ANKAR: variants seen among roughly 807,000 people sequenced by gnomAD.
ANKAR encodes the protein ankyrin and armadillo repeat-containing protein.
A neutral mutation model predicts 146.2 loss-of-function variants in ANKAR; 136 were observed. That is an observed-to-expected ratio of 0.93 (90% confidence interval 0.81 to 1.07). The LOEUF (loss-of-function observed/expected upper bound fraction) is 1.07. Ranked by LOEUF, ANKAR falls within the 50% of genes least tolerant of loss-of-function variation. The probability of loss-of-function intolerance (pLI) is 0.00; values close to 1 mark genes in which losing one functional copy is unlikely to be tolerated. For synonymous variants in ANKAR, 500 were observed against 575.8 expected, an observed-to-expected ratio of 0.87 and a Z score of 1.88; for missense variants, 1,567 against 1,679.9, an observed-to-expected ratio of 0.93 and a Z score of 1.18.
chr2:189,697,985 G>T (rs984875692), intron 7 of ANKAR, among the ~76,000 whole-genome samples: 1 of 152,054 alleles, frequency 6.6e-6, no homozygotes, highest in African/African-American at 2.4e-5. Flanking sequence ...CATCTACATA[G>T]TCATTTTGTT....
At chr2:189,751,867 C>T (rs577702194) in intron 18 of ANKAR, among the ~76,000 whole-genome samples, 2 of 151,628 alleles carry the variant, frequency 1.3e-5, no homozygotes, top group African/African-American at 4.8e-5. Flanking sequence ...AAAAACCAGC[C>T]AGGTGTGGTG....
rs140691684 is a variant in ANKAR, at chr2:189,688,699, G to A, written c.602-828G>A. Among the ~76,000 whole-genome samples, 701 of 152,334 alleles carry A rather than the reference G, an allele frequency of 4.6e-3. 4 individuals carry two copies. Among genetic ancestry groups the A allele is most frequent in the African/African-American group, 0.016 (658 of 41,574 alleles). The stretch of plus-strand genomic sequence containing the variant: ...AGGAAGAGCTACGAACATTCATGAA[G>A]TGGGTTCTAACATGCGTATTGAACA... On this transcript the variant is annotated intron_variant, in intron 2 of 22. Coordinates refer to ENST00000684021, the MANE Select transcript of ANKAR (RefSeq NM_001378068.1).
intron 12 of ANKAR, among the ~76,000 whole-genome samples, chr2:189,724,191 A>G (rs564384331): frequency 6.6e-6 from 1 of 152,296 alleles, no homozygotes; most frequent in Non-Finnish European, 1.5e-5. Flanking sequence ...TGATTCAGGA[A>G]TAGTGGGTAA....
intron 16 of ANKAR, among the ~76,000 whole-genome samples, chr2:189,731,459 C>T (rs947228794): frequency 4.6e-5 from 7 of 150,588 alleles, no homozygotes; most frequent in African/African-American, 1.7e-4. Context: ...CTGCAACCTC[C>T]ACCTCCTGGG....
At chr2:189,715,310 C>G (rs538763999) in intron 10 of ANKAR, among the ~76,000 whole-genome samples, 1 of 152,138 alleles carries the variant, frequency 6.6e-6, no homozygotes, top group South Asian at 2.1e-4. Flanking sequence ...ACTATAAACA[C>G]CCCTACACAA....
At chr2:189,696,758 A>G (rs2037264700) in intron 7 of ANKAR, among the ~76,000 whole-genome samples, 1 of 152,222 alleles carries the variant, frequency 6.6e-6, no homozygotes, top group African/African-American at 2.4e-5. Context: ...CAAAATTAAT[A>G]TACACTGATA....
intron 15 of ANKAR, among the ~76,000 whole-genome samples, chr2:189,729,715 T>TGTGTGTGTGTGTGTGTGTGTGTGGGGGG (rs61101787): frequency 1.3e-4 from 19 of 141,472 alleles, no homozygotes; most frequent in African/African-American, 1.0e-4. Context: ...TGTGTGTGTG[T>TGTGTGTGTGTGTGTGTGTGTGTGGGGGG]GGTGCGGGTG....
At chr2:189,697,708 T>C (rs889137989) in intron 7 of ANKAR, among the ~76,000 whole-genome samples, 2 of 152,078 alleles carry the variant, frequency 1.3e-5, no homozygotes, top group Non-Finnish European at 2.9e-5. Context: ...CTTTGATAAA[T>C]TAAAAGTTTC....
At chr2:189,710,649 A>G (rs2039563994) in intron 9 of ANKAR, among the ~76,000 whole-genome samples, 1 of 152,178 alleles carries the variant, frequency 6.6e-6, no homozygotes, top group Non-Finnish European at 1.5e-5. Flanking sequence ...AAAAAATACA[A>G]AAATTAGCCA....
chr2:189,728,468 T>C (rs2042092623), intron 14 of ANKAR, 48 bp downstream of exon 14: 2 of 1,544,752 alleles, frequency 1.3e-6, no homozygotes, highest in African/African-American at 2.8e-5. Context: ...GACAGGATCT[T>C]GCTCTGTTGC....
intron 7 of ANKAR, among the ~76,000 whole-genome samples, 155 bp downstream of exon 7, chr2:189,696,524 G>C (rs2037225337): frequency 6.6e-6 from 1 of 152,142 alleles, no homozygotes; most frequent in Non-Finnish European, 1.5e-5. Flanking sequence ...GCTTCTTTTA[G>C]TTTTCTAAGT....
chr2:189,733,466 AAAAAAC>A (rs1177836889), intron 17 of ANKAR, among the ~76,000 whole-genome samples: 12 of 152,182 alleles, frequency 7.9e-5, no homozygotes, highest in African/African-American at 2.7e-4. Context: ...GTGATGAGTC[AAAAAAC>A]AAATCTCTTA....
At chr2:189,743,501 T>C (rs781180228) in intron 21 of ANKAR, 27 bp downstream of exon 21, 5 of 1,591,452 alleles carry the variant, frequency 3.1e-6, no homozygotes, top group South Asian at 2.2e-5. Flanking sequence ...GAAGTTGCAG[T>C]AGTGAAATCA....
chr2:189,702,389 A>C (rs1237095443), intron 7 of ANKAR, among the ~76,000 whole-genome samples: 1 of 152,210 alleles, frequency 6.6e-6, no homozygotes. Context: ...TTTAACTCTC[A>C]TACTTGTCCA....
intron 15 of ANKAR, 124 bp from the exon 16 acceptor site, chr2:189,730,371 C>T (rs964850059): frequency 1.5e-5 from 7 of 460,526 alleles, no homozygotes; most frequent in East Asian, 3.5e-5. Flanking sequence ...ATAGCATACC[C>T]CTTTGTAACT....
chr2:189,710,355 T>C (rs955545601), intron 9 of ANKAR, among the ~76,000 whole-genome samples: 5 of 152,246 alleles, frequency 3.3e-5, no homozygotes, highest in African/African-American at 1.2e-4. Context: ...GGATATGAAA[T>C]TTTTATTGAC....
chr2:189,732,603 G>GT (rs2042512172), intron 16 of ANKAR, among the ~76,000 whole-genome samples: 1 of 137,226 alleles, frequency 7.3e-6, no homozygotes, highest in African/African-American at 2.7e-5. Context: ...GGAGGTTGCA[G>GT]TGAGCTAAGA....
intron 7 of ANKAR, among the ~76,000 whole-genome samples, chr2:189,700,267 A>G (rs1190361396): frequency 1.3e-5 from 2 of 152,182 alleles, no homozygotes; most frequent in Admixed American, 1.3e-4. Context: ...CCATTATCTC[A>G]ACACTTTATT....
chr2:189,702,160 C>T (rs1237256296), intron 7 of ANKAR, among the ~76,000 whole-genome samples: 1 of 152,124 alleles, frequency 6.6e-6, no homozygotes, highest in Non-Finnish European at 1.5e-5. Context: ...CTGATAAAAG[C>T]CCAATAGGTT....
Sources: gnomAD v4.1 joint callset for allele counts (sites outside exome capture counted in the v4.1 genomes callset) on GRCh38, gnomAD v4.1.1 for gene constraint, MANE v1.5 for transcripts, NCBI Gene and HGNC (gene_info 2026-07-23, HGNC 2026-07-21) for gene names.